Variants in DDX52 observed in about 807,000 individuals in gnomAD.
The protein encoded by DDX52 is DExD-box helicase 52, also known as probable ATP-dependent RNA helicase DDX52.
Under a neutral mutation model 76.1 loss-of-function variants are expected in DDX52, and 59 were observed. The observed-to-expected ratio is 0.78, with a 90% CI of 0.63 to 0.96. The LOEUF is 0.96. Among genes scored for constraint, DDX52 ranks in the 40% least tolerant of loss-of-function variants. DDX52 has a pLI of 0.00. For missense variants in DDX52, 707 were observed against 703.9 expected, an observed-to-expected ratio of 1.00 and a Z score of -0.05; for synonymous variants, 231 against 244.1, an observed-to-expected ratio of 0.95 and a Z score of 0.50.
rs144343720 is a variant in DDX52 at position 37,615,177 on chromosome 17, A to G, written c.1743-824T>C. The G allele has an allele frequency of 3.3e-5, 5 of 152,392 alleles. No homozygotes were observed. In the East Asian group the frequency reaches 7.7e-4, roughly 23 times the overall value. The allele number at this position is 152,392 out of a possible 1,614,324, so 9.4% of individuals were successfully genotyped here. ...AGAAATATGAGCTGAGCCTATAGGC[A>G]TGGGTGGGATCATTAAGGAAACATC... On this transcript the variant is annotated intron_variant, in intron 14 of 14. Transcript: ENST00000617633.
Position 37,639,579 on chromosome 17 carries a change from T to C in DDX52, c.286+2531A>G, listed in dbSNP as rs1022387572. The C allele has an allele frequency of 8.5e-5, 30 of 353,248 alleles. No individual in the cohort carries two copies. The Middle Eastern group carries it at 5.5e-3, about 65-fold the overall frequency. The allele number at this position is 353,248 out of a possible 1,614,324, so 21.9% of individuals were successfully genotyped here. On this transcript the variant is annotated intron_variant, in intron 2 of 14. Coordinates refer to ENST00000617633, the MANE Select transcript of DDX52 (RefSeq NM_007010.5). ...GGTGAAACCCTGTCTCTAATAAAAA[T>C]ACAAAAACAAAATTAGCTGGGCGTG...
At chr17:37,636,736 A>G (rs1000734011) in intron 2 of DDX52, among the ~76,000 whole-genome samples, 1 of 152,222 alleles carries the variant, frequency 6.6e-6, no homozygotes, top group Non-Finnish European at 1.5e-5. Context: ...TTACAAATGG[A>G]TAACTTGTTT....
chr17:37,625,971 C>A lies in DDX52; in HGVS notation c.1060G>T (p.Ala354Ser), dbSNP rs760466599. 1.2e-6 allele frequency: 2 copies of A among 1,614,158 alleles called. No individual in the cohort carries two copies. The highest frequency in any genetic ancestry group is 1.7e-6 in the Non-Finnish European group (2 of 1,180,028). ...SHKVRRAMFS[A>S]TFAYDVEQWC... Reference sequence around the variant, plus strand: ...TGTTCAACATCATATGCAAAAGTTGCACTGAACATAGCTCTTCGGACCTTG... The same window carrying A: ...TGTTCAACATCATATGCAAAAGTTGAACTGAACATAGCTCTTCGGACCTTG... The change falls in exon 8 of 15, where the codon GCA becomes TCA. Residue 354 changes from alanine (A) to serine (S), a missense_variant. Transcript: ENST00000617633.
chr17:37,619,067 G>T (rs1369873934), intron 13 of DDX52, among the ~76,000 whole-genome samples: 1 of 152,140 alleles, frequency 6.6e-6, no homozygotes, highest in African/African-American at 2.4e-5. Context: ...ACTTTTAAAA[G>T]AATCTGAATA....
At chr17:37,620,978 AT>A in intron 11 of DDX52, 30 bp from the exon 12 acceptor site, 1 of 1,572,674 alleles carries the variant, frequency 6.4e-7, no homozygotes, top group Non-Finnish European at 8.6e-7. Flanking sequence ...TAAAAAACAC[AT>A]TTTGGGGGGA....
intron 9 of DDX52, among the ~76,000 whole-genome samples, chr17:37,622,780 T>C (rs2147343703): frequency 6.6e-6 from 1 of 152,326 alleles, no homozygotes; most frequent in East Asian, 1.9e-4. Flanking sequence ...AGGAATATCC[T>C]GGAAAACCTT....
intron 6 of DDX52, among the ~76,000 whole-genome samples, chr17:37,628,049 G>A (rs1376373639): frequency 6.6e-6 from 1 of 152,046 alleles, no homozygotes; most frequent in Non-Finnish European, 1.5e-5. Context: ...CATAGCTATA[G>A]GTATGGAGAA....
chr17:37,614,210 G>GT lies in DDX52; in HGVS notation c.*85dup. On this transcript the variant is annotated 3_prime_UTR_variant, in exon 15 of 15. Transcript: ENST00000617633. ...TTTCAAATGTTTGGTACAGGTGACT[G>GT]TAAGACTTCAAGTATTCCATGAAAA... 7.2e-7 allele frequency: 1 copy of GT among 1,382,418 alleles called. No individual in the cohort carries two copies. The highest frequency in any genetic ancestry group is 1.0e-6 in the Non-Finnish European group (1 of 997,462). The allele number at this position is 1,382,418 out of a possible 1,614,324, so 85.6% of individuals were successfully genotyped here.
intron 7 of DDX52, 110 bp from the exon 8 acceptor site, chr17:37,626,208 T>C: frequency 8.7e-7 from 1 of 1,152,426 alleles, no homozygotes; most frequent in Admixed American, 2.4e-5. Context: ...ATGCTGCTTC[T>C]CAGATCCACT....
At position 37,642,260 on chromosome 17, in the gene DDX52, G is replaced by T; in HGVS notation, c.136C>A (p.Leu46Met). ...DFDSSEVLQG[L>M]DFFGNKKSVP... ...GACTTCTTGTTTCCAAAAAAGTCCA[G>T]TCCCTGAAGCACCTCCGAAGAATCA... Residue 46 changes from leucine to methionine, a missense_variant, in exon 2 of 15, where the codon CTG (leucine) becomes ATG (methionine). By Grantham distance (15) the Leu-to-Met change is conservative. Transcript: ENST00000617633. 6.2e-7 allele frequency: 1 copy of T among 1,613,996 alleles called. No homozygotes were observed. The highest frequency in any genetic ancestry group is 8.5e-7 in the Non-Finnish European group (1 of 1,179,996).
intron 1 of DDX52, chr17:37,643,099 G>T: frequency 2.5e-6 from 1 of 403,488 alleles, no homozygotes; most frequent in South Asian, 7.3e-5. Context: ...AGGAAAGAGG[G>T]TTTCCGTGCC....
intron 13 of DDX52, among the ~76,000 whole-genome samples, 196 bp from the exon 14 acceptor site, chr17:37,618,580 C>T (rs1173708964): frequency 6.6e-6 from 1 of 151,964 alleles, no homozygotes; most frequent in Admixed American, 6.6e-5. Context: ...CTCCTGGGTT[C>T]AGGCGATTCT....
chr17:37,628,389 A>G (rs1452461106), intron 6 of DDX52, among the ~76,000 whole-genome samples, 172 bp downstream of exon 6: 1 of 152,182 alleles, frequency 6.6e-6, no homozygotes, highest in Admixed American at 6.5e-5. Context: ...ACTGGTATAT[A>G]TTTATGTATA....
intron 2 of DDX52, 30 bp downstream of exon 2, chr17:37,642,080 G>GA: frequency 1.9e-6 from 3 of 1,608,358 alleles, no homozygotes; most frequent in Non-Finnish European, 2.5e-6. Context: ...AAATTAAAGA[G>GA]AAAAAACATG....
intron 2 of DDX52, among the ~76,000 whole-genome samples, chr17:37,635,241 A>G (rs2030872033): frequency 6.6e-6 from 1 of 152,112 alleles, no homozygotes; most frequent in South Asian, 2.1e-4. Flanking sequence ...GCATAAATAT[A>G]TACAATAATC....
rs761829576 is a variant in DDX52, at chr17:37,621,532, C to A, written c.1228-12G>T. 3 of 1,596,652 alleles carry A rather than the reference C, an allele frequency of 1.9e-6. No individual in the cohort carries two copies. Among genetic ancestry groups the A allele is most frequent in the Non-Finnish European group, 2.6e-6 (3 of 1,175,312 alleles). On this transcript the variant is annotated splice_polypyrimidine_tract_variant and intron_variant, in intron 9 of 14. Transcript: ENST00000617633. ...GGTGGATTGAAACCCTAAAAGAAGA[C>A]AAAAATTGGCATACATAACTCAATC... is the stretch of plus-strand genomic sequence containing the variant.
At chr17:37,618,594 G>A (rs2029916879) in intron 13 of DDX52, among the ~76,000 whole-genome samples, 1 of 151,908 alleles carries the variant, frequency 6.6e-6, no homozygotes, top group Non-Finnish European at 1.5e-5. Context: ...CGATTCTCCT[G>A]CCTCAGCTTC....
At chr17:37,630,278 C>T in intron 4 of DDX52, 105 bp from the exon 5 acceptor site, 1 of 1,183,868 alleles carries the variant, frequency 8.4e-7, no homozygotes, top group Non-Finnish European at 1.2e-6. Context: ...TACAATTTTA[C>T]ATAATGAATC....
In DDX52 at chr17:37,643,317, T is replaced by G; in HGVS notation, c.87+17A>C. On this transcript the variant is annotated intron_variant, in intron 1 of 14. Coordinates refer to ENST00000617633, the MANE Select transcript of DDX52 (RefSeq NM_007010.5). ...TCCTTCTCAGTTACTCGGCCCTCGG[T>G]CCCTTGGGCACAGTACCTGGAATCG... 6.2e-7 allele frequency: 1 copy of G among 1,607,782 alleles called. No homozygotes were observed. Among genetic ancestry groups the G allele is most frequent in the South Asian group, 1.1e-5 (1 of 90,866 alleles).
Sources: allele counts gnomAD v4.1 joint callset (sites outside exome capture counted in the v4.1 genomes callset), GRCh38; gene constraint gnomAD v4.1.1; transcripts MANE v1.5; gene names NCBI Gene and HGNC (gene_info 2026-07-23, HGNC 2026-07-21).